Variants in TLK1 observed in about 807,000 individuals in gnomAD.
The protein encoded by TLK1 is tousled like kinase 1, also known as serine/threonine-protein kinase tousled-like 1.
TLK1 carries 24 observed loss-of-function variants against 105.3 expected under a neutral mutation model. The observed-to-expected ratio is 0.23, with a 90% CI of 0.17 to 0.32. TLK1 has a LOEUF of 0.32. Among genes scored for constraint, TLK1 ranks in the 10% least tolerant of loss-of-function variants. The pLI, the probability that TLK1 is intolerant of heterozygous loss-of-function variation, is 1.00. For missense variants in TLK1, 558 were observed against 910.5 expected (o/e 0.61, Z 4.98); for synonymous variants, 321 against 310.4 (o/e 1.03, Z -0.36).
At chr2:171,223,007 G>A (rs1373950087) in intron 1 of TLK1, among the ~76,000 whole-genome samples, 1 of 151,990 alleles carries the variant, frequency 6.6e-6, no homozygotes, top group Non-Finnish European at 1.5e-5. Context: ...TAGAGACGGA[G>A]TTTCACCATA....
At chr2:171,083,821 G>C (rs1045183435) in intron 2 of TLK1, among the ~76,000 whole-genome samples, 2 of 152,090 alleles carry the variant, frequency 1.3e-5, no homozygotes, top group Non-Finnish European at 2.9e-5. Flanking sequence ...TGTCAACAAA[G>C]GATAGCGCTT....
intron 1 of TLK1, among the ~76,000 whole-genome samples, chr2:171,125,496 T>C (rs1174514694): frequency 1.3e-5 from 2 of 152,112 alleles, no homozygotes; most frequent in African/African-American, 4.8e-5. Context: ...AAATAAAAAA[T>C]TGCAATCTGG....
chr2:171,086,362 G>A (rs1003864181), intron 2 of TLK1, among the ~76,000 whole-genome samples: 12 of 151,598 alleles, frequency 7.9e-5, no homozygotes, highest in African/African-American at 1.7e-4. Context: ...GCAGTGGCTC[G>A]CGCCTGTAAT....
At chr2:171,050,755 AGAGGC>A (rs1170430416) in intron 8 of TLK1, among the ~76,000 whole-genome samples, 1 of 152,210 alleles carries the variant, frequency 6.6e-6, no homozygotes, top group Admixed American at 6.5e-5. Flanking sequence ...TGCTCAGAGA[AGAGGC>A]TTCCTTCTAA....
chr2:170,995,016 A>G (rs1417896023), intron 20 of TLK1, among the ~76,000 whole-genome samples: 1 of 152,228 alleles, frequency 6.6e-6, no homozygotes, highest in Non-Finnish European at 1.5e-5. Context: ...CATTAGAAGT[A>G]TATTTTTCTC....
At chr2:171,107,246 T>C (rs1056363276) in intron 2 of TLK1, among the ~76,000 whole-genome samples, 1 of 152,238 alleles carries the variant, frequency 6.6e-6, no homozygotes, top group South Asian at 2.1e-4. Flanking sequence ...TGAGATAATA[T>C]GCCAATGAAA....
chr2:171,160,597 G>T lies in TLK1; in HGVS notation c.-169C>A. ...GAGGAAACCGAGAAGAGGGGAGGTG[G>T]GGAGGAAAGAGGTGAGGGAAGGAGA... On this transcript the variant is annotated 5_prime_UTR_variant, in exon 1 of 21. Transcript: ENST00000431350. This position sits in a 1 kb window ranked among gnomAD's most constrained non-coding sequence, Gnocchi z 4.4. The T allele has an allele frequency of 9.0e-7, 1 of 1,106,046 alleles. No individual in the cohort carries two copies. The highest frequency in any genetic ancestry group is 1.3e-6 in the Non-Finnish European group (1 of 791,986). 68.5% of individuals were successfully genotyped at this position (1,106,046 alleles called of 1,614,324 possible).
intron 1 of TLK1, among the ~76,000 whole-genome samples, chr2:171,142,703 A>G (rs1691630926): frequency 6.6e-6 from 1 of 152,242 alleles, no homozygotes; most frequent in Non-Finnish European, 1.5e-5. Context: ...TCTGAATAGG[A>G]GCAAACAAAT....
intron 12 of TLK1, among the ~76,000 whole-genome samples, chr2:171,021,626 C>G (rs188389259): frequency 6.6e-6 from 1 of 152,040 alleles, no homozygotes; most frequent in African/African-American, 2.4e-5. Context: ...CATGGATTTA[C>G]AGTTATGATT....
intron 1 of TLK1, among the ~76,000 whole-genome samples, chr2:171,228,706 G>A (rs1392005300): frequency 6.6e-6 from 1 of 152,160 alleles, no homozygotes. Context: ...TCCTTCTGGA[G>A]TTGTCTGTGT....
intron 10 of TLK1, 62 bp from the exon 11 acceptor site, chr2:171,046,424 G>T: frequency 6.9e-7 from 1 of 1,452,738 alleles, no homozygotes; most frequent in Non-Finnish European, 9.1e-7. Context: ...GGCTAAACTT[G>T]GAAAAAATGC....
chr2:171,076,838 C>A (rs1302964145), intron 3 of TLK1, among the ~76,000 whole-genome samples: 3 of 151,646 alleles, frequency 2.0e-5, no homozygotes, highest in Non-Finnish European at 4.4e-5. Context: ...GGCGTGAACC[C>A]GGGAGGCAGA....
chr2:171,223,706 C>A (rs1330750028), intron 1 of TLK1, among the ~76,000 whole-genome samples: 1 of 151,954 alleles, frequency 6.6e-6, no homozygotes, highest in Non-Finnish European at 1.5e-5. Flanking sequence ...TCTTGAACTT[C>A]TGACCTCAGG....
At chr2:171,031,929 TAAAC>T (rs1686064921) in intron 11 of TLK1, among the ~76,000 whole-genome samples, 1 of 151,986 alleles carries the variant, frequency 6.6e-6, no homozygotes, top group Non-Finnish European at 1.5e-5. Context: ...TAGAGGCACT[TAAAC>T]AAAAATTAGC....
intron 1 of TLK1, among the ~76,000 whole-genome samples, chr2:171,157,755 A>C (rs762564354): frequency 2.6e-5 from 4 of 152,232 alleles, no homozygotes; most frequent in Non-Finnish European, 2.9e-5. Flanking sequence ...TTTTAAAAAT[A>C]ACCCATTTTC....
At chr2:171,141,262 T>C (rs1204539100) in intron 1 of TLK1, among the ~76,000 whole-genome samples, 4 of 152,236 alleles carry the variant, frequency 2.6e-5, no homozygotes. Flanking sequence ...CAGAACTTTC[T>C]ATTCTATTGA....
chr2:171,139,900 T>C (rs1370915779), intron 1 of TLK1, among the ~76,000 whole-genome samples: 1 of 152,106 alleles, frequency 6.6e-6, no homozygotes, highest in African/African-American at 2.4e-5. Flanking sequence ...TAGATTCTCA[T>C]AAGGAGCAAG....
intron 2 of TLK1, among the ~76,000 whole-genome samples, chr2:171,094,577 G>A (rs146471572): frequency 6.6e-6 from 1 of 152,128 alleles, no homozygotes; most frequent in Non-Finnish European, 1.5e-5. Flanking sequence ...TTAAAAGATC[G>A]ACACTGTAAG....
intron 2 of TLK1, among the ~76,000 whole-genome samples, chr2:171,101,797 G>GT (rs112580538): frequency 6.6e-6 from 1 of 151,890 alleles, no homozygotes; most frequent in Non-Finnish European, 1.5e-5. Context: ...AAAAGAATAG[G>GT]TTTTTTTAAA....
Sources: allele counts gnomAD v4.1 joint callset (sites outside exome capture counted in the v4.1 genomes callset), GRCh38; gene constraint gnomAD v4.1.1; non-coding constraint Gnocchi (gnomAD v3.1); transcripts MANE v1.5; gene names NCBI Gene and HGNC (gene_info 2026-07-23, HGNC 2026-07-21).